CAMSAP2: variants seen among roughly 807,000 people sequenced by gnomAD.
CAMSAP2 encodes calmodulin regulated spectrin associated protein family member 2.
CAMSAP2 carries 26 observed loss-of-function variants against 146.1 expected under a neutral mutation model. The ratio of observed to expected loss-of-function variants is 0.18; its 90% CI spans 0.13 to 0.25. The LOEUF (loss-of-function observed/expected upper bound fraction) is 0.25. CAMSAP2 is among the 10% of genes least tolerant of loss of function. The probability of loss-of-function intolerance (pLI) is 1.00; values close to 1 mark genes in which losing one functional copy is unlikely to be tolerated. For missense variants in CAMSAP2, 1,381 were observed against 1,759.3 expected (o/e 0.78, Z 3.85); for synonymous variants, 499 against 596.6 (o/e 0.84, Z 2.38).
intron 11 of CAMSAP2, among the ~76,000 whole-genome samples, chr1:200,851,191 T>A (rs1458358473): frequency 6.6e-6 from 1 of 152,008 alleles, no homozygotes; most frequent in Admixed American, 6.5e-5. Context: ...ATCTTTTTAT[T>A]TTTATTTATT....
intron 4 of CAMSAP2, among the ~76,000 whole-genome samples, chr1:200,817,710 A>T (rs1024121181): frequency 6.6e-6 from 1 of 152,248 alleles, no homozygotes; most frequent in African/African-American, 2.4e-5. Flanking sequence ...ATCAACTTCA[A>T]TAGAAAAATC....
intron 4 of CAMSAP2, among the ~76,000 whole-genome samples, chr1:200,828,341 A>G (rs75264924): frequency 2.8e-3 from 425 of 152,276 alleles, no homozygotes; most frequent in African/African-American, 9.4e-3. Context: ...GTATCCTACA[A>G]TGAATATCTG....
chr1:200,769,502 C>T (rs1310412643), intron 2 of CAMSAP2, among the ~76,000 whole-genome samples: 1 of 152,112 alleles, frequency 6.6e-6, no homozygotes, highest in Non-Finnish European at 1.5e-5. Flanking sequence ...GGCTTAGTCC[C>T]CAAGACTACC....
chr1:200,852,635 A>C lies in CAMSAP2; in HGVS notation c.3560A>C (p.Gln1187Pro). The C allele has an allele frequency of 6.2e-7, 1 of 1,613,910 alleles. No individual in the cohort carries two copies. The highest frequency in any genetic ancestry group is 8.5e-7 in the Non-Finnish European group (1 of 1,179,930). The change falls in exon 12 of 17, where the codon CAA becomes CCA. Residue 1187 changes from glutamine (Q) to proline (P), a missense_variant. Physicochemically the swap from Gln to Pro is moderately conservative, Grantham distance 76. Around this residue, in one of 4 missense-constraint regions of CAMSAP2, gnomAD observed 560 missense variants for 715.9 expected, o/e 0.78. Transcript: ENST00000358823. Reference protein sequence around the residue: ...RREKETQLRKQQLEAEMEHKK... With the variant: ...RREKETQLRKPQLEAEMEHKK... ...GAAAAGGAAACTCAGCTCCGGAAAC[A>C]ACAGTTGGAAGCAGAAATGGAGCAT...
rs1316338918 is a variant in CAMSAP2, at chr1:200,816,594, CAA to C, written c.645+961_645+962del. On this transcript the variant is annotated intron_variant, in intron 4 of 16. Coordinates refer to ENST00000358823, the MANE Select transcript of CAMSAP2 (RefSeq NM_203459.4). ...GGGCAATAAGAGCAAAACTTCATCT[CAA>C]AAAAAAAAAATATATATATATATAT... Among the ~76,000 whole-genome samples the C allele has an allele frequency of 2.8e-3, 258 of 92,806 alleles. 10 individuals carry two copies. The highest frequency in any genetic ancestry group is 4.5e-3 in the South Asian group (15 of 3,298). The allele number at this position is 92,806 out of a possible 152,430, so 60.9% of individuals were successfully genotyped here. A position where few individuals can be genotyped will look rare whatever the true frequency, so the allele number is the denominator to read the frequency against.
At chr1:200,854,700 A>G in intron 13 of CAMSAP2, 117 bp from the exon 14 acceptor site, 1 of 617,190 alleles carries the variant, frequency 1.6e-6, no homozygotes. Context: ...AAGAAACTAC[A>G]GAAGCTCAAT....
Position 200,807,496 on chromosome 1 carries a change from C to T in CAMSAP2, c.520C>T (p.Pro174Ser), listed in dbSNP as rs1437246454. Residue 174 changes from proline (P) to serine (S), a missense_variant, in exon 3 of 17, where the codon CCC (proline) becomes TCC (serine). Pro to Ser is a moderately conservative substitution (Grantham distance 74, BLOSUM62 -1). This residue lies in a region of CAMSAP2 where 284 missense variants were observed against 406.9 expected (regional missense o/e 0.70). Transcript: ENST00000358823. ...YSAFFQATDL[P>S]YDIEDAVMYW... ...AGCTTTTTTTCAAGCCACAGATCTG[C>T]CCTATGATATTGAGGACGCTGTCAT... 2.5e-6 allele frequency: 4 copies of T among 1,608,286 alleles called. No individual in the cohort carries two copies. The highest frequency in any genetic ancestry group is 3.4e-6 in the Non-Finnish European group (4 of 1,176,904).
chr1:200,741,923 C>T (rs1421735358), intron 1 of CAMSAP2, among the ~76,000 whole-genome samples: 1 of 152,164 alleles, frequency 6.6e-6, no homozygotes, highest in Non-Finnish European at 1.5e-5. Flanking sequence ...GAGAGGTTAA[C>T]TTTCCTACTA....
At chr1:200,756,061 G>T (rs571328717) in intron 1 of CAMSAP2, among the ~76,000 whole-genome samples, 1 of 152,296 alleles carries the variant, frequency 6.6e-6, no homozygotes, top group South Asian at 2.1e-4. Context: ...GGGGAAAGTG[G>T]AGGAAGTTGA....
chr1:200,851,374 T>C (rs891035400), intron 11 of CAMSAP2, among the ~76,000 whole-genome samples: 4 of 152,082 alleles, frequency 2.6e-5, no homozygotes, highest in Non-Finnish European at 1.5e-5. Flanking sequence ...TTTGTATTTT[T>C]AGTAGAGATG....
chr1:200,785,240 A>G (rs549033576), intron 2 of CAMSAP2, among the ~76,000 whole-genome samples: 2 of 152,210 alleles, frequency 1.3e-5, no homozygotes, highest in South Asian at 4.2e-4. Context: ...GCATCAGGGT[A>G]ATACTGTTTT....
intron 2 of CAMSAP2, among the ~76,000 whole-genome samples, chr1:200,762,522 A>T (rs1327982838): frequency 6.6e-6 from 1 of 152,066 alleles, no homozygotes. Flanking sequence ...CTAGCTGGAC[A>T]CTCCAGCTTG....
rs1664103293 is a variant in CAMSAP2, at chr1:200,739,849, A to G, written c.22A>G (p.Arg8Gly). The change falls in exon 1 of 17, where the codon AGG becomes GGG. Residue 8 changes from arginine to glycine, a missense_variant. By Grantham distance (125) the Arg-to-Gly change is moderately radical (BLOSUM62 -2). Around this residue, in one of 4 missense-constraint regions of CAMSAP2, gnomAD observed 284 missense variants for 406.9 expected, o/e 0.70. Transcript: ENST00000358823. This position sits in a 1 kb window ranked among gnomAD's most constrained non-coding sequence, Gnocchi z 4.8. MGDAADP[R>G]EMRKTFIVPA... is the part of the protein sequence containing the mutation. ...AAAGATGGGGGATGCTGCAGACCCCAGGGAGATGAGAAAGACGTTCATTGT... is the reference window on the plus strand; with the variant it reads ...AAAGATGGGGGATGCTGCAGACCCCGGGGAGATGAGAAAGACGTTCATTGT... 1 of 1,613,748 alleles carries G rather than the reference A, an allele frequency of 6.2e-7. No homozygotes were observed. Among genetic ancestry groups the G allele is most frequent in the Admixed American group, 1.7e-5 (1 of 59,984 alleles).
intron 2 of CAMSAP2, among the ~76,000 whole-genome samples, chr1:200,784,021 C>G (rs920318511): frequency 6.7e-6 from 1 of 150,206 alleles, no homozygotes; most frequent in African/African-American, 2.4e-5. Context: ...ATAGTGTGGT[C>G]GAGGTTCATT....
At chr1:200,770,801 G>A (rs1218460930) in intron 2 of CAMSAP2, among the ~76,000 whole-genome samples, 1 of 152,116 alleles carries the variant, frequency 6.6e-6, no homozygotes, top group Admixed American at 6.5e-5. Context: ...GGCAAATAGG[G>A]CAGTTATTAC....
At chr1:200,843,677 C>G (rs1209582439) in intron 7 of CAMSAP2, among the ~76,000 whole-genome samples, 1 of 152,020 alleles carries the variant, frequency 6.6e-6, no homozygotes, top group Non-Finnish European at 1.5e-5. Context: ...GAGTTACTTA[C>G]AAAAATAAAA....
intron 2 of CAMSAP2, among the ~76,000 whole-genome samples, chr1:200,802,585 G>GT (rs997840349): frequency 1.3e-5 from 2 of 152,138 alleles, no homozygotes; most frequent in African/African-American, 4.8e-5. Context: ...ATTGATTAAA[G>GT]TATTTATTTC....
At chr1:200,819,956 C>A (rs1666704837) in intron 4 of CAMSAP2, among the ~76,000 whole-genome samples, 1 of 151,952 alleles carries the variant, frequency 6.6e-6, no homozygotes, top group Non-Finnish European at 1.5e-5. Context: ...GTGGGAATTA[C>A]TGAGTGGATG....
At chr1:200,813,395 T>C (rs947638208) in intron 3 of CAMSAP2, among the ~76,000 whole-genome samples, 2 of 152,252 alleles carry the variant, frequency 1.3e-5, no homozygotes, top group Admixed American at 6.5e-5. Context: ...TTGTCTGATA[T>C]AACCATCTTT....
Sources: allele counts gnomAD v4.1 joint callset (sites outside exome capture counted in the v4.1 genomes callset), GRCh38; gene constraint gnomAD v4.1.1; regional missense constraint gnomAD v4.1.1; non-coding constraint Gnocchi (gnomAD v3.1); transcripts MANE v1.5; gene names NCBI Gene and HGNC (gene_info 2026-07-23, HGNC 2026-07-21).